Variants in INPP4B observed in about 807,000 individuals in gnomAD.
INPP4B encodes the protein inositol polyphosphate-4-phosphatase type II B, also known as inositol polyphosphate 4-phosphatase type II.
In INPP4B, 55 loss-of-function variants were observed where a neutral mutation model predicts 122.5. The ratio of observed to expected loss-of-function variants is 0.45; its 90% confidence interval spans 0.36 to 0.56. The LOEUF (loss-of-function observed/expected upper bound fraction) is 0.56, where lower values mean the gene tolerates loss of function less well. Ranked by LOEUF, INPP4B falls within the 20% of genes least tolerant of loss-of-function variation. The pLI is 0.00. For synonymous variants in INPP4B, 403 were observed against 388.7 expected, an observed-to-expected ratio of 1.04 and a Z score of -0.43; for missense variants, 1,000 against 1,097.7, an observed-to-expected ratio of 0.91 and a Z score of 1.26.
intron 1 of INPP4B, among the ~76,000 whole-genome samples, chr4:142,738,642 A>G (rs1408452782): frequency 6.6e-6 from 1 of 152,070 alleles, no homozygotes; most frequent in Non-Finnish European, 1.5e-5. Context: ...TCTTCTTATA[A>G]ACATATTAGA....
At chr4:142,593,020 C>G (rs982188295) in intron 2 of INPP4B, among the ~76,000 whole-genome samples, 10 of 151,720 alleles carry the variant, frequency 6.6e-5, no homozygotes, top group African/African-American at 2.4e-4. Flanking sequence ...GGGAGGATCA[C>G]TTGAGCTAGG....
chr4:142,323,420 G>A (rs1022974429), intron 7 of INPP4B, among the ~76,000 whole-genome samples: 9 of 149,242 alleles, frequency 6.0e-5, no homozygotes, highest in Non-Finnish European at 1.0e-4. Context: ...TAGAAATGAG[G>A]TTCATTATTA....
At chr4:142,284,678 T>C (rs1235592268) in intron 9 of INPP4B, among the ~76,000 whole-genome samples, 1 of 151,732 alleles carries the variant, frequency 6.6e-6, no homozygotes, top group East Asian at 1.9e-4. Flanking sequence ...TCCCAGAAAG[T>C]GGGAGAGTGA....
chr4:142,212,338 C>T (rs750518333), intron 12 of INPP4B, among the ~76,000 whole-genome samples: 1 of 152,136 alleles, frequency 6.6e-6, no homozygotes, highest in Non-Finnish European at 1.5e-5. Flanking sequence ...CACCTATCTC[C>T]TTTACCATTA....
intron 9 of INPP4B, among the ~76,000 whole-genome samples, chr4:142,298,849 T>C (rs1760026964): frequency 6.6e-6 from 1 of 152,146 alleles, no homozygotes; most frequent in Non-Finnish European, 1.5e-5. Context: ...TTCCTCAGTT[T>C]GCTTATTTGT....
At chr4:142,167,614 T>C (rs890954044) in intron 16 of INPP4B, among the ~76,000 whole-genome samples, 1 of 151,742 alleles carries the variant, frequency 6.6e-6, no homozygotes, top group Non-Finnish European at 1.5e-5. Flanking sequence ...TGTCTAGTTA[T>C]TTGAACATAC....
At chr4:142,306,123 CA>C (rs1272641112) in intron 8 of INPP4B, among the ~76,000 whole-genome samples, 1 of 151,934 alleles carries the variant, frequency 6.6e-6, no homozygotes, top group African/African-American at 2.4e-5. Flanking sequence ...TATTAAGTTA[CA>C]TTTTTTTAAA....
chr4:142,725,221 T>G (rs1765187465), intron 2 of INPP4B, among the ~76,000 whole-genome samples: 3 of 152,168 alleles, frequency 2.0e-5, no homozygotes, highest in Non-Finnish European at 4.4e-5. Flanking sequence ...CATATGTAAA[T>G]AATTCACATA....
intron 22 of INPP4B, among the ~76,000 whole-genome samples, chr4:142,109,841 G>A (rs1015773176): frequency 2.6e-5 from 4 of 152,116 alleles, no homozygotes; most frequent in South Asian, 2.1e-4. Flanking sequence ...CCGATTCCAC[G>A]CTTCTTGTTA....
At chr4:142,387,578 A>G (rs964511536) in intron 7 of INPP4B, among the ~76,000 whole-genome samples, 25 of 152,212 alleles carry the variant, frequency 1.6e-4, no homozygotes, top group East Asian at 3.9e-4. Flanking sequence ...CACTAGGGCC[A>G]CTCAGGGAAG....
chr4:142,166,787 A>G (rs188162765), intron 16 of INPP4B, among the ~76,000 whole-genome samples: 1 of 152,132 alleles, frequency 6.6e-6, no homozygotes, highest in East Asian at 1.9e-4. Flanking sequence ...AGATAACAAA[A>G]AAGCTCAACA....
intron 2 of INPP4B, among the ~76,000 whole-genome samples, chr4:142,661,624 C>A (rs1056054468): frequency 2.0e-5 from 3 of 152,160 alleles, no homozygotes; most frequent in Non-Finnish European, 4.4e-5. Context: ...TTTAAATAAA[C>A]CCTTTTTAAA....
intron 2 of INPP4B, among the ~76,000 whole-genome samples, chr4:142,506,710 C>T (rs930309164): frequency 1.3e-5 from 2 of 152,042 alleles, no homozygotes; most frequent in Non-Finnish European, 2.9e-5. Context: ...GTGTCAGAAC[C>T]GAGCTAGAAA....
At chr4:142,082,601 G>T (rs987272956) in intron 24 of INPP4B, among the ~76,000 whole-genome samples, 4 of 152,244 alleles carry the variant, frequency 2.6e-5, no homozygotes, top group African/African-American at 9.6e-5. Flanking sequence ...TCAAACAATT[G>T]ATTCAAATCG....
chr4:142,382,929 T>C (rs1794726325), intron 7 of INPP4B, among the ~76,000 whole-genome samples: 1 of 151,894 alleles, frequency 6.6e-6, no homozygotes, highest in Non-Finnish European at 1.5e-5. Flanking sequence ...GCAGAAATAA[T>C]TTAAGCATTT....
chr4:142,284,063 C>A (rs2150834834), intron 9 of INPP4B, among the ~76,000 whole-genome samples: 1 of 152,148 alleles, frequency 6.6e-6, no homozygotes, highest in Non-Finnish European at 1.5e-5. Context: ...TTGGATTTAG[C>A]AATATGGAGC....
At chr4:142,153,330 C>T (rs1297475029) in intron 17 of INPP4B, among the ~76,000 whole-genome samples, 2 of 152,116 alleles carry the variant, frequency 1.3e-5, no homozygotes, top group Admixed American at 6.5e-5. Flanking sequence ...CTATATTTAC[C>T]ATAGTGTTTC....
At chr4:142,710,463 A>G (rs868401421) in intron 2 of INPP4B, among the ~76,000 whole-genome samples, 2 of 152,222 alleles carry the variant, frequency 1.3e-5, no homozygotes, top group African/African-American at 4.8e-5. Context: ...TTTTGAAATC[A>G]TGAGTCAAAA....
intron 1 of INPP4B, among the ~76,000 whole-genome samples, chr4:142,759,627 T>G (rs1771005562): frequency 6.6e-6 from 1 of 151,932 alleles, no homozygotes; most frequent in Non-Finnish European, 1.5e-5. Context: ...GCTACTAAGT[T>G]CTAAAATTCA....
Sources: allele counts gnomAD v4.1 joint callset (sites outside exome capture counted in the v4.1 genomes callset), GRCh38; gene constraint gnomAD v4.1.1; transcripts MANE v1.5; gene names NCBI Gene and HGNC (gene_info 2026-07-23, HGNC 2026-07-21).